Variants in MORC1 observed in about 807,000 individuals in gnomAD.
MORC1 encodes the protein MORC family CW-type zinc finger 1, also known as MORC family CW-type zinc finger protein 1.
A neutral mutation model predicts 134.9 loss-of-function variants in MORC1; 59 were observed. The observed-to-expected ratio is 0.44, with a 90% CI of 0.35 to 0.54. The LOEUF (loss-of-function observed/expected upper bound fraction) is 0.54. Ranked by LOEUF, MORC1 falls within the 20% of genes least tolerant of loss-of-function variation. MORC1 has a pLI of 0.00. For missense variants in MORC1, 947 were observed against 1,134.5 expected, an observed-to-expected ratio of 0.83 and a Z score of 2.37; for synonymous variants, 395 against 391.7, an observed-to-expected ratio of 1.01 and a Z score of -0.10.
intron 8 of MORC1, among the ~76,000 whole-genome samples, chr3:109,085,346 T>G (rs1950597473): frequency 6.6e-6 from 1 of 152,098 alleles, no homozygotes; most frequent in Non-Finnish European, 1.5e-5. Flanking sequence ...GAGAAAATAT[T>G]TGCAAACTAT....
At chr3:109,043,767 G>A (rs941057351) in intron 14 of MORC1, among the ~76,000 whole-genome samples, 2 of 152,242 alleles carry the variant, frequency 1.3e-5, no homozygotes, top group East Asian at 3.9e-4. Context: ...CACCTAACAA[G>A]CCCTCAACCA....
intron 11 of MORC1, among the ~76,000 whole-genome samples, chr3:109,060,675 C>T (rs111863414): frequency 0.012 from 1,755 of 152,098 alleles, 33 homozygotes; most frequent in African/African-American, 0.03. Flanking sequence ...GAATTTAAGA[C>T]GTCAAAAGTT....
chr3:108,985,491 A>G (rs1255414439), intron 22 of MORC1, among the ~76,000 whole-genome samples: 1 of 152,208 alleles, frequency 6.6e-6, no homozygotes, highest in Non-Finnish European at 1.5e-5. Context: ...GGCTAAGTAG[A>G]AGAGGACATC....
At chr3:109,077,264 T>C (rs529019686) in intron 8 of MORC1, among the ~76,000 whole-genome samples, 7 of 152,194 alleles carry the variant, frequency 4.6e-5, no homozygotes, top group Admixed American at 3.3e-4. Flanking sequence ...GCAAATTGAC[T>C]AATAAATCCA....
At chr3:108,973,573 G>A (rs922113783) in intron 24 of MORC1, among the ~76,000 whole-genome samples, 23 of 140,012 alleles carry the variant, frequency 1.6e-4, no homozygotes, top group Middle Eastern at 3.7e-3. Context: ...TTTTTTGTTC[G>A]TTTTTTGTTT....
intron 2 of MORC1, 116 bp downstream of exon 2, chr3:109,114,268 T>G (rs1951226718): frequency 4.5e-6 from 4 of 884,084 alleles, no homozygotes; most frequent in Non-Finnish European, 6.6e-6. Context: ...GGAAATCAAG[T>G]CACAAAACAT....
chr3:108,972,746 G>A (rs1038008207), intron 24 of MORC1, among the ~76,000 whole-genome samples: 2 of 152,144 alleles, frequency 1.3e-5, no homozygotes, highest in African/African-American at 2.4e-5. Context: ...ACTAAACCTT[G>A]CTTCTCCTCA....
chr3:108,961,367 G>A (rs969210867), intron 27 of MORC1, among the ~76,000 whole-genome samples: 6 of 152,088 alleles, frequency 3.9e-5, no homozygotes, highest in African/African-American at 9.7e-5. Context: ...CCAAATATTC[G>A]CTGACCCTGA....
intron 21 of MORC1, among the ~76,000 whole-genome samples, chr3:108,990,898 T>TCTCTCTCTCTCTCTCTCTCTCTCTCTCTC (rs1559876202): frequency 2.1e-5 from 3 of 145,664 alleles, no homozygotes; most frequent in African/African-American, 7.6e-5. Context: ...GTTTCTCTCT[T>TCTCTCTCTCTCTCTCTCTCTCTCTCTCTC]TCTCTCTCTC....
intron 1 of MORC1, among the ~76,000 whole-genome samples, chr3:109,116,597 C>A (rs1197098642): frequency 6.6e-6 from 1 of 152,066 alleles, no homozygotes; most frequent in Non-Finnish European, 1.5e-5. Flanking sequence ...ATAGCCAGAC[C>A]CCATCTCTAC....
At chr3:109,042,860 T>A (rs1406622659) in intron 14 of MORC1, among the ~76,000 whole-genome samples, 1 of 151,882 alleles carries the variant, frequency 6.6e-6, no homozygotes, top group Admixed American at 6.6e-5. Flanking sequence ...CATTTATATG[T>A]GAAATCTTAA....
intron 18 of MORC1, 46 bp downstream of exon 18, chr3:109,006,983 G>A: frequency 6.6e-7 from 1 of 1,509,476 alleles, no homozygotes; most frequent in Admixed American, 1.8e-5. Flanking sequence ...TCCTTCACAT[G>A]GTTAAAACAT....
chr3:109,107,951 T>C (rs113736928), intron 3 of MORC1, among the ~76,000 whole-genome samples: 25 of 152,234 alleles, frequency 1.6e-4, no homozygotes, highest in African/African-American at 4.8e-4. Context: ...ATCCCAGCAC[T>C]TTGGGAGGCT....
intron 8 of MORC1, among the ~76,000 whole-genome samples, chr3:109,070,794 A>G (rs940228716): frequency 3.3e-5 from 5 of 152,220 alleles, no homozygotes; most frequent in Non-Finnish European, 5.9e-5. Flanking sequence ...AGATGAAGCC[A>G]TAAGAAATTC....
rs9852784 is a variant in MORC1, at chr3:108,981,927, G to A, written c.2325-2260C>T. Among the ~76,000 whole-genome samples, 279 of 152,146 alleles carry A rather than the reference G, an allele frequency of 1.8e-3. 2 individuals carry two copies. Among genetic ancestry groups the A allele is most frequent in the African/African-American group, 5.9e-3 (247 of 41,532 alleles). On this transcript the variant is annotated intron_variant, in intron 23 of 27. Coordinates refer to ENST00000232603, the MANE Select transcript of MORC1 (RefSeq NM_014429.4). ...AAGTGGGATCTAATTAAACTAAAGAGCTTCTGCACAGCAAAAGAAACTACC... is the reference window on the plus strand; with the variant it reads ...AAGTGGGATCTAATTAAACTAAAGAACTTCTGCACAGCAAAAGAAACTACC...
At chr3:109,018,629 G>T (rs1948878989) in intron 17 of MORC1, among the ~76,000 whole-genome samples, 1 of 152,090 alleles carries the variant, frequency 6.6e-6, no homozygotes, top group Admixed American at 6.6e-5. Context: ...AGTACAAATT[G>T]TAAGATATCA....
intron 17 of MORC1, among the ~76,000 whole-genome samples, chr3:109,023,279 T>G (rs1339958522): frequency 6.6e-6 from 1 of 151,860 alleles, no homozygotes; most frequent in Non-Finnish European, 1.5e-5. Context: ...CCATACAGAG[T>G]GAAAGAAACG....
intron 8 of MORC1, among the ~76,000 whole-genome samples, chr3:109,077,324 A>G (rs1950442307): frequency 1.3e-5 from 2 of 152,202 alleles, no homozygotes; most frequent in Non-Finnish European, 2.9e-5. Context: ...ACACACAAAA[A>G]ACAAATCTTC....
chr3:108,995,603 G>C (rs1055990095), intron 21 of MORC1, among the ~76,000 whole-genome samples: 1 of 152,174 alleles, frequency 6.6e-6, no homozygotes, highest in Non-Finnish European at 1.5e-5. Context: ...TAGAAGCCAG[G>C]AATTAGTGGA....
Sources: gnomAD v4.1 joint callset for allele counts (sites outside exome capture counted in the v4.1 genomes callset) on GRCh38, gnomAD v4.1.1 for gene constraint, MANE v1.5 for transcripts, NCBI Gene and HGNC (gene_info 2026-07-23, HGNC 2026-07-21) for gene names.